The following IGF1 variants were observed in gnomAD, a reference collection of about 807,000 sequenced individuals.
The protein encoded by IGF1 is insulin like growth factor 1.
IGF1 carries 4 observed loss-of-function variants against 13.8 expected under a neutral mutation model. The ratio of observed to expected loss-of-function variants is 0.29; its 90% CI spans 0.14 to 0.66. The LOEUF (loss-of-function observed/expected upper bound fraction) is 0.66. IGF1 is among the 30% of genes least tolerant of loss of function. IGF1 has a pLI of 0.78. For missense variants in IGF1, 124 were observed against 188.5 expected, an observed-to-expected ratio of 0.66 and a Z score of 2.00; for synonymous variants, 76 against 72.6, an observed-to-expected ratio of 1.05 and a Z score of -0.23.
intron 3 of IGF1, 29 bp downstream of exon 3, chr12:102,419,480 A>G (rs749399397): frequency 1.4e-5 from 23 of 1,606,646 alleles, no homozygotes; most frequent in Non-Finnish European, 2.0e-5. Context: ...CCACTTGAGG[A>G]TGGCTGGATC....
At position 102,400,353 on chromosome 12, in the gene IGF1, G is replaced by C. The variant is rs935568054; in HGVS notation, c.*2154C>G. The C allele has an allele frequency of 6.6e-6, 1 of 152,102 alleles. No individual in the cohort carries two copies. The highest frequency in any genetic ancestry group is 1.5e-5 in the Non-Finnish European group (1 of 68,004). 9.4% of individuals were successfully genotyped at this position (152,102 alleles called of 1,614,324 possible). A position where few individuals can be genotyped will look rare whatever the true frequency, so the allele number is the denominator to read the frequency against. ...TCTAATGAGAAAATCTTGATCTGCAGATAGGGATCATTTTCTAGGCTATGA... is the reference window on the plus strand; with the variant it reads ...TCTAATGAGAAAATCTTGATCTGCACATAGGGATCATTTTCTAGGCTATGA... On this transcript the variant is annotated 3_prime_UTR_variant, in exon 4 of 4. Transcript: ENST00000337514.
At chr12:102,404,004 G>A (rs950843733) in intron 3 of IGF1, among the ~76,000 whole-genome samples, 1 of 152,168 alleles carries the variant, frequency 6.6e-6, no homozygotes, top group Non-Finnish European at 1.5e-5. Context: ...ATCCTTGAAT[G>A]TATTTAAATT....
chr12:102,441,268 C>CAGA (rs1877689991), intron 2 of IGF1, among the ~76,000 whole-genome samples: 1 of 152,250 alleles, frequency 6.6e-6, no homozygotes, highest in South Asian at 2.1e-4. Context: ...GCACCATTAT[C>CAGA]TTCTTGCTTA....
chr12:102,413,167 G>A (rs1291567641), intron 3 of IGF1, among the ~76,000 whole-genome samples: 2 of 152,202 alleles, frequency 1.3e-5, no homozygotes, highest in Non-Finnish European at 2.9e-5. Context: ...CATAAAAAGG[G>A]ATTTGGATTC....
intron 3 of IGF1, among the ~76,000 whole-genome samples, chr12:102,410,332 G>A (rs1874528305): frequency 1.3e-5 from 2 of 152,164 alleles, no homozygotes; most frequent in South Asian, 2.1e-4. Context: ...TGGGCAGCTT[G>A]TTTGCTTAGC....
At chr12:102,410,306 C>T (rs1320811706) in intron 3 of IGF1, among the ~76,000 whole-genome samples, 1 of 152,160 alleles carries the variant, frequency 6.6e-6, no homozygotes, top group Non-Finnish European at 1.5e-5. Flanking sequence ...CAGGGCTCCC[C>T]AGACTGTTGA....
At chr12:102,478,234 C>T (rs545424857) in intron 1 of IGF1, among the ~76,000 whole-genome samples, 5 of 148,700 alleles carry the variant, frequency 3.4e-5, no homozygotes, top group Non-Finnish European at 7.4e-5. Flanking sequence ...TTTTATTTTG[C>T]CAAACACAAA....
At chr12:102,404,314 G>A (rs372803631) in intron 3 of IGF1, among the ~76,000 whole-genome samples, 5 of 152,218 alleles carry the variant, frequency 3.3e-5, no homozygotes, top group African/African-American at 1.2e-4. Context: ...TGGAGAAGGT[G>A]AGAGGTTTTA....
At chr12:102,474,086 C>G (rs900173271) in intron 2 of IGF1, among the ~76,000 whole-genome samples, 3 of 152,112 alleles carry the variant, frequency 2.0e-5, no homozygotes, top group African/African-American at 7.2e-5. Flanking sequence ...AAGTGAGAAC[C>G]ACTTTTTCAT....
At chr12:102,412,963 T>C (rs1874774092) in intron 3 of IGF1, among the ~76,000 whole-genome samples, 1 of 152,208 alleles carries the variant, frequency 6.6e-6, no homozygotes, top group Non-Finnish European at 1.5e-5. Flanking sequence ...AAGTTCTGAT[T>C]CCAGTTAGGC....
intron 3 of IGF1, among the ~76,000 whole-genome samples, chr12:102,417,279 A>G (rs1326521847): frequency 6.6e-6 from 1 of 152,214 alleles, no homozygotes; most frequent in Non-Finnish European, 1.5e-5. Context: ...GTTTTAGGCA[A>G]TACCGGATGC....
chr12:102,446,545 T>C (rs1878347258), intron 2 of IGF1, among the ~76,000 whole-genome samples: 1 of 152,204 alleles, frequency 6.6e-6, no homozygotes, highest in South Asian at 2.1e-4. Flanking sequence ...TGGTAGTTTG[T>C]ATTTCTGTGG....
intron 2 of IGF1, among the ~76,000 whole-genome samples, chr12:102,432,091 T>C (rs1287542983): frequency 1.3e-5 from 2 of 152,210 alleles, no homozygotes; most frequent in Non-Finnish European, 2.9e-5. Context: ...CAAAATTGTT[T>C]CTGTTTCTCA....
Position 102,419,710 on chromosome 12 carries a change from T to A in IGF1, c.221-20A>T. 6.2e-7 allele frequency: 1 copy of A among 1,609,344 alleles called. No individual in the cohort carries two copies. On this transcript the variant is annotated intron_variant, in intron 2 of 3. Transcript: ENST00000337514. ...GCTTGTCTGCACAAATCAAACAGAG[T>A]GGCCTCATGTTAGGGTGCAATCTGC...
At chr12:102,441,755 G>A (rs893328832) in intron 2 of IGF1, among the ~76,000 whole-genome samples, 5 of 152,044 alleles carry the variant, frequency 3.3e-5, no homozygotes, top group African/African-American at 1.2e-4. Flanking sequence ...ACAATCCTAT[G>A]AGATGGACAC....
rs1566012898 is a variant in IGF1, at chr12:102,480,320, T to C, written c.62A>G (p.Lys21Arg). The C allele has an allele frequency of 6.2e-7, 1 of 1,613,042 alleles. No homozygotes were observed. The highest frequency in any genetic ancestry group is 8.5e-7 in the Non-Finnish European group (1 of 1,179,284). ...CTTCAAAGAGTAAGAAATATTTACC[T>C]TCAAGAAATCACAAAAGCAGCACTT... ...LFKCCFCDFL[K>R]VKMHTMSSSH... is the part of the protein sequence containing the mutation. Residue 21 changes from lysine to arginine, a missense_variant and splice_region_variant, in exon 1 of 4, where the codon AAG becomes AGG. Physicochemically the swap from Lys to Arg is conservative, Grantham distance 26 (BLOSUM62 2). This residue lies in a region of IGF1 where 99 missense variants were observed against 171.4 expected (regional missense o/e 0.58). Transcript: ENST00000337514.
In IGF1 at chr12:102,398,247, T is replaced by G. The variant is rs888617962; in HGVS notation, c.*4260A>C. The G allele has an allele frequency of 1.3e-5, 2 of 152,652 alleles. No homozygotes were observed. The highest frequency in any genetic ancestry group is 2.9e-5 in the Non-Finnish European group (2 of 68,034). 9.5% of individuals were successfully genotyped at this position (152,652 alleles called of 1,614,324 possible). ...TCCCAAATGAGATCAGTGATTGCTT[T>G]TCATGAGAGCTACTGCTCTTTGAGA... On this transcript the variant is annotated 3_prime_UTR_variant, in exon 4 of 4. Coordinates refer to ENST00000337514, the MANE Select transcript of IGF1 (RefSeq NM_000618.5).
intron 2 of IGF1, among the ~76,000 whole-genome samples, chr12:102,469,802 T>C (rs985219858): frequency 4.6e-5 from 7 of 152,062 alleles, no homozygotes; most frequent in African/African-American, 1.7e-4. Flanking sequence ...CATTTCTCAT[T>C]TGTCCCATGA....
chr12:102,400,643 T>G lies in IGF1; in HGVS notation c.*1864A>C, dbSNP rs1464457868. 2.0e-5 allele frequency: 3 copies of G among 152,326 alleles called. No individual in the cohort carries two copies. In the East Asian group the frequency reaches 5.8e-4, roughly 29 times the overall value. The allele number at this position is 152,326 out of a possible 1,614,324, so 9.4% of individuals were successfully genotyped here. A position where few individuals can be genotyped will look rare whatever the true frequency, so the allele number is the denominator to read the frequency against. On this transcript the variant is annotated 3_prime_UTR_variant, in exon 4 of 4. Transcript: ENST00000337514. ...CTTTTTATTAGATATTATTTTAATA[T>G]TTCAAATTTTGGATCACTTTCCTTA...
Sources: allele counts gnomAD v4.1 joint callset (sites outside exome capture counted in the v4.1 genomes callset), GRCh38; gene constraint gnomAD v4.1.1; regional missense constraint gnomAD v4.1.1; transcripts MANE v1.5; gene names NCBI Gene and HGNC (gene_info 2026-07-23, HGNC 2026-07-21).